SCN8A: variants seen among roughly 807,000 people sequenced by gnomAD.
SCN8A encodes the protein sodium voltage-gated channel alpha subunit 8.
A neutral mutation model predicts 184.1 loss-of-function variants in SCN8A; 30 were observed. The observed-to-expected ratio is 0.16, with a 90% confidence interval of 0.12 to 0.22. The LOEUF (loss-of-function observed/expected upper bound fraction) is 0.22, where lower values mean the gene tolerates loss of function less well. Ranked by LOEUF, SCN8A falls within the 10% of genes least tolerant of loss-of-function variation. The pLI is 1.00. For synonymous variants in SCN8A, 852 were observed against 907.0 expected, an observed-to-expected ratio of 0.94 and a Z score of 1.09; for missense variants, 1,057 against 2,498.9, an observed-to-expected ratio of 0.42 and a Z score of 12.30.
At chr12:51,610,773 T>C (rs1939704635) in intron 1 of SCN8A, among the ~76,000 whole-genome samples, 1 of 152,222 alleles carries the variant, frequency 6.6e-6, no homozygotes, top group African/African-American at 2.4e-5. Flanking sequence ...GCTGTTAATC[T>C]GATAGGTTTT....
intron 12 of SCN8A, among the ~76,000 whole-genome samples, chr12:51,734,508 T>C (rs1412559702): frequency 1.3e-5 from 2 of 152,274 alleles, no homozygotes; most frequent in African/African-American, 4.8e-5. Context: ...TCGCTCATGC[T>C]ATTGTTTGTG....
rs145852231 is a variant in SCN8A at position 51,750,398 on chromosome 12, G to A, written c.2132-957G>A. Among the ~76,000 whole-genome samples, 1,229 of 152,190 alleles carry A rather than the reference G, an allele frequency of 8.1e-3. 15 individuals carry two copies. Among genetic ancestry groups the A allele is most frequent in the African/African-American group, 0.026 (1,089 of 41,514 alleles). ...GGGAGGGAAGGAGGAAGAAGCTGTA[G>A]AAAGAAAGAGAAAAGCAAAGGATGA... On this transcript the variant is annotated intron_variant, in intron 13 of 26. Transcript: ENST00000627620.
intron 1 of SCN8A, among the ~76,000 whole-genome samples, chr12:51,602,453 G>A (rs181455753): frequency 2.0e-5 from 3 of 152,254 alleles, no homozygotes; most frequent in Admixed American, 6.5e-5. Flanking sequence ...TGTGAGAAAC[G>A]GGTAGTGGAG....
At chr12:51,697,038 CAA>C (rs567183376) in intron 6 of SCN8A, among the ~76,000 whole-genome samples, 1 of 124,350 alleles carries the variant, frequency 8.0e-6, no homozygotes. Flanking sequence ...GAATCCGACT[CAA>C]AAAAAAAAAA....
In SCN8A at chr12:51,809,400, G is replaced by A. The variant is rs1041633214; in HGVS notation, c.*1971G>A. On this transcript the variant is annotated 3_prime_UTR_variant, in exon 27 of 27. Coordinates refer to ENST00000627620, the MANE Select transcript of SCN8A (RefSeq NM_001330260.2). ...ATCTGCCTTGCAGTAGAAGCACTTT[G>A]AAGGTAATTTCACAGTCCACCAGAC... The A allele has an allele frequency of 6.6e-6, 1 of 152,218 alleles. No homozygotes were observed. The highest frequency in any genetic ancestry group is 2.4e-5 in the African/African-American group (1 of 41,442). The allele number at this position is 152,218 out of a possible 1,614,324, so 9.4% of individuals were successfully genotyped here.
intron 1 of SCN8A, among the ~76,000 whole-genome samples, chr12:51,643,372 T>C (rs1940496848): frequency 6.6e-6 from 1 of 152,188 alleles, no homozygotes; most frequent in South Asian, 2.1e-4. Flanking sequence ...AATTAGGTTG[T>C]TATGAAGATT....
At position 51,774,535 on chromosome 12, in the gene SCN8A, A is replaced by G. The variant is rs147076700; in HGVS notation, c.3819+173A>G. 3.1e-3 allele frequency among the ~76,000 whole-genome samples: 468 copies of G among 152,222 alleles called. 2 individuals are homozygous for G. Among genetic ancestry groups the G allele is most frequent in the African/African-American group, 0.011 (441 of 41,542 alleles). On this transcript the variant is annotated intron_variant, in intron 20 of 26. Transcript: ENST00000627620. ...TGAGATCTTCATATTAGGAAGGGGA[A>G]CTCTGAAGTCCCTGCATTTGCTCCA... is the stretch of plus-strand genomic sequence containing the variant.
At chr12:51,756,089 C>T (rs555941589) in intron 14 of SCN8A, among the ~76,000 whole-genome samples, 61 of 152,102 alleles carry the variant, frequency 4.0e-4, no homozygotes, top group Non-Finnish European at 6.6e-4. Flanking sequence ...TAGGCCTTCG[C>T]CTGCATGGAC....
At chr12:51,795,366 C>T (rs186141508) in intron 26 of SCN8A, among the ~76,000 whole-genome samples, 77 of 152,308 alleles carry the variant, frequency 5.1e-4, no homozygotes, top group African/African-American at 1.8e-3. Context: ...CTGTTGATTG[C>T]CCTCCCAAAA....
At chr12:51,716,695 C>A (rs1409747252) in intron 11 of SCN8A, among the ~76,000 whole-genome samples, 1 of 152,114 alleles carries the variant, frequency 6.6e-6, no homozygotes, top group Non-Finnish European at 1.5e-5. Flanking sequence ...GTACCTGAGT[C>A]CTGTGTTTTC....
At chr12:51,714,741 G>C (rs189706196) in intron 11 of SCN8A, among the ~76,000 whole-genome samples, 1 of 152,250 alleles carries the variant, frequency 6.6e-6, no homozygotes, top group East Asian at 1.9e-4. Flanking sequence ...CAATTTACGT[G>C]TATCCCCTGA....
At chr12:51,722,017 T>G in intron 12 of SCN8A, 109 bp downstream of exon 12, 2 of 1,576,482 alleles carry the variant, frequency 1.3e-6, no homozygotes, top group South Asian at 1.1e-5. Flanking sequence ...TTCCCTGCTC[T>G]GCCCATCCCA....
intron 3 of SCN8A, among the ~76,000 whole-genome samples, chr12:51,685,140 G>T (rs4761828): frequency 0.81 from 123,443 of 152,156 alleles, 51,016 homozygotes; most frequent in East Asian, 0.99. Flanking sequence ...CTGTAGTTTA[G>T]AAGCAACACA....
At chr12:51,739,240 G>A (rs1292748953) in intron 12 of SCN8A, among the ~76,000 whole-genome samples, 2 of 152,012 alleles carry the variant, frequency 1.3e-5, no homozygotes, top group East Asian at 3.9e-4. Flanking sequence ...CTGTTGATCT[G>A]GGGGGTTTGT....
chr12:51,795,361 G>T (rs1938378744), intron 26 of SCN8A, among the ~76,000 whole-genome samples: 1 of 152,202 alleles, frequency 6.6e-6, no homozygotes, highest in African/African-American at 2.4e-5. Context: ...CCACCCTGTT[G>T]ATTGCCCTCC....
intron 1 of SCN8A, among the ~76,000 whole-genome samples, chr12:51,638,202 G>C (rs1377833517): frequency 1.3e-5 from 2 of 152,158 alleles, no homozygotes; most frequent in Admixed American, 1.3e-4. Flanking sequence ...CAAGAGCTCT[G>C]ATGGAGATAT....
chr12:51,676,288 C>A (rs1941221925), intron 2 of SCN8A, among the ~76,000 whole-genome samples: 1 of 152,086 alleles, frequency 6.6e-6, no homozygotes, highest in Non-Finnish European at 1.5e-5. Flanking sequence ...TATAATATAA[C>A]CTATATTGTA....
chr12:51,624,010 A>G (rs1045910871), intron 1 of SCN8A, among the ~76,000 whole-genome samples: 6 of 152,138 alleles, frequency 3.9e-5, no homozygotes, highest in African/African-American at 1.4e-4. Flanking sequence ...CCAGTCTATC[A>G]TTGTTGGACA....
At chr12:51,685,883 A>T (rs1941411108) in intron 3 of SCN8A, among the ~76,000 whole-genome samples, 1 of 152,206 alleles carries the variant, frequency 6.6e-6, no homozygotes, top group African/African-American at 2.4e-5. Flanking sequence ...AAAAAAGAAC[A>T]ACAACTATGG....
Sources: allele counts gnomAD v4.1 joint callset (sites outside exome capture counted in the v4.1 genomes callset), GRCh38; gene constraint gnomAD v4.1.1; transcripts MANE v1.5; gene names NCBI Gene and HGNC (gene_info 2026-07-23, HGNC 2026-07-21).